Variants in SPATA31H1 observed in about 807,000 individuals in gnomAD.
SPATA31H1 encodes SPATA31 subfamily H member 1.
At chr2:27,567,112 C>T in the SPATA31H1 span, 2 of 706,496 alleles carry the variant, frequency 2.8e-6, no homozygotes, top group Non-Finnish European at 5.2e-6. Flanking sequence ...TTTATCAACT[C>T]TATTTCTGAA....
chr2:27,544,965 A>G, the SPATA31H1 span, among the ~76,000 whole-genome samples: 1 of 151,914 alleles, frequency 6.6e-6, no homozygotes, highest in South Asian at 2.1e-4. Context: ...AAAAATAGCC[A>G]AAAAAAGGCT....
chr2:27,571,394 C>T, the SPATA31H1 span: 4 of 398,360 alleles, frequency 1.0e-5, no homozygotes, highest in Non-Finnish European at 1.8e-5. Flanking sequence ...TGGCGATAAC[C>T]TTAGGGTCAC....
At chr2:27,556,857 T>TCC in the SPATA31H1 span, among the ~76,000 whole-genome samples, 21 of 107,808 alleles carry the variant, frequency 1.9e-4, no homozygotes, top group East Asian at 9.9e-4. Context: ...CCTGCGGCCT[T>TCC]GGCCTTCCGC....
At chr2:27,572,108 G>A in the SPATA31H1 span, 6 of 398,452 alleles carry the variant, frequency 1.5e-5, no homozygotes, top group Middle Eastern at 6.3e-4. Flanking sequence ...CTGACCTACA[G>A]TCGAAAGGTA....
the SPATA31H1 span, among the ~76,000 whole-genome samples, chr2:27,560,456 G>T: frequency 6.6e-6 from 1 of 150,598 alleles, no homozygotes; most frequent in African/African-American, 2.5e-5. Flanking sequence ...TTTCCTCAAA[G>T]AGTATTTTTT....
the SPATA31H1 span, chr2:27,574,904 C>A: frequency 2.5e-6 from 1 of 398,450 alleles, no homozygotes; most frequent in Non-Finnish European, 4.4e-6. Flanking sequence ...CTGAAGTGAT[C>A]CCAGCGACAA....
chr2:27,576,800 T>G, the SPATA31H1 span: 1 of 1,614,084 alleles, frequency 6.2e-7, no homozygotes, highest in Admixed American at 1.7e-5. Flanking sequence ...GCGTAAAACA[T>G]GTGAAATTAT....
the SPATA31H1 span, among the ~76,000 whole-genome samples, chr2:27,551,387 CT>C: frequency 6.6e-6 from 1 of 152,050 alleles, no homozygotes; most frequent in African/African-American, 2.4e-5. Flanking sequence ...AGAGACACCC[CT>C]AACACAAAAT....
the SPATA31H1 span, chr2:27,577,388 C>T: frequency 6.2e-7 from 1 of 1,614,044 alleles, no homozygotes; most frequent in Middle Eastern, 1.6e-4. This position sits in a 1 kb window ranked among gnomAD's most constrained non-coding sequence, Gnocchi z 4.5. Flanking sequence ...TCAAGCATTA[C>T]TTTACAGAAG....
the SPATA31H1 span, among the ~76,000 whole-genome samples, chr2:27,549,986 A>T: frequency 6.6e-6 from 1 of 151,868 alleles, no homozygotes; most frequent in East Asian, 1.9e-4. Flanking sequence ...TGATCCTGAT[A>T]CTTGAAAACA....
chr2:27,567,626 A>C, the SPATA31H1 span: 2 of 401,946 alleles, frequency 5.0e-6, no homozygotes, highest in Non-Finnish European at 8.8e-6. Flanking sequence ...TAGTTACATC[A>C]ATGGGCAGTC....
the SPATA31H1 span, chr2:27,572,804 A>T: frequency 2.5e-6 from 1 of 398,194 alleles, no homozygotes; most frequent in Non-Finnish European, 4.4e-6. Flanking sequence ...AGTCATCTCA[A>T]CTGACTCTAG....
the SPATA31H1 span, chr2:27,581,570 T>C: frequency 4.0e-5 from 58 of 1,461,350 alleles, no homozygotes; most frequent in South Asian, 5.2e-4. Context: ...GCAGTTCCTC[T>C]GAGAGAAGAC....
chr2:27,578,655 C>T, the SPATA31H1 span: 14 of 1,614,086 alleles, frequency 8.7e-6, no homozygotes, highest in Non-Finnish European at 1.2e-5. Flanking sequence ...AACAGAGCCT[C>T]CTAAAGTTAT....
chr2:27,571,258 C>A, the SPATA31H1 span: 8 of 398,310 alleles, frequency 2.0e-5, no homozygotes, highest in African/African-American at 8.2e-5. Context: ...AAGCTTCAAT[C>A]TGAGTTGCTG....
chr2:27,567,964 C>T, the SPATA31H1 span: 154 of 399,000 alleles, frequency 3.9e-4, no homozygotes, highest in African/African-American at 2.8e-3. Flanking sequence ...ACCATGGAAA[C>T]AGTGAGCATA....
At chr2:27,556,134 C>CA in the SPATA31H1 span, among the ~76,000 whole-genome samples, 3,913 of 92,258 alleles carry the variant, frequency 0.042, 101 homozygotes, top group African/African-American at 0.077. Context: ...GACTCCATCT[C>CA]AAAAAAAAAA....
chr2:27,553,416 C>T, the SPATA31H1 span, among the ~76,000 whole-genome samples: 2 of 152,064 alleles, frequency 1.3e-5, no homozygotes, highest in Non-Finnish European at 1.5e-5. Flanking sequence ...CCATGTTTCA[C>T]ACATATACTG....
chr2:27,577,996 T>C, the SPATA31H1 span: 8 of 1,614,024 alleles, frequency 5.0e-6, no homozygotes, highest in Non-Finnish European at 6.8e-6. This position sits in a 1 kb window ranked among gnomAD's most constrained non-coding sequence, Gnocchi z 4.5. Flanking sequence ...GTAGAATTTA[T>C]GAGGATTAGT....
Sources: gnomAD v4.1 joint callset for allele counts (sites outside exome capture counted in the v4.1 genomes callset) on GRCh38, gnomAD v4.1.1 for gene constraint, Gnocchi (gnomAD v3.1) non-coding constraint, MANE v1.5 for transcripts, NCBI Gene and HGNC (gene_info 2026-07-23, HGNC 2026-07-21) for gene names.